ATP2B2: variants seen among roughly 807,000 people sequenced by gnomAD.
The protein encoded by ATP2B2 is plasma membrane calcium-transporting ATPase 2.
ATP2B2 carries 15 observed loss-of-function variants against 120.0 expected under a neutral mutation model. The observed-to-expected ratio is 0.12, with a 90% CI of 0.08 to 0.19. The LOEUF (loss-of-function observed/expected upper bound fraction) is 0.19. ATP2B2 is among the 10% of genes least tolerant of loss of function. ATP2B2 has a pLI of 1.00. For missense variants in ATP2B2, 1,045 were observed against 1,719.8 expected (o/e 0.61, Z 6.94); for synonymous variants, 694 against 700.3 (o/e 0.99, Z 0.14).
intron 2 of ATP2B2, among the ~76,000 whole-genome samples, chr3:10,595,855 C>G (rs981549798): frequency 6.6e-6 from 1 of 152,142 alleles, no homozygotes; most frequent in Admixed American, 6.5e-5. Flanking sequence ...TCTATGTGAA[C>G]TGACCCCTGC....
intron 2 of ATP2B2, among the ~76,000 whole-genome samples, chr3:10,413,595 C>G (rs2062686440): frequency 6.6e-6 from 1 of 152,218 alleles, no homozygotes; most frequent in African/African-American, 2.4e-5. Flanking sequence ...CTCCACTGTT[C>G]TGTGCTGGGC....
At chr3:10,551,302 T>C (rs1027436746) in intron 2 of ATP2B2, among the ~76,000 whole-genome samples, 1 of 152,208 alleles carries the variant, frequency 6.6e-6, no homozygotes, top group Non-Finnish European at 1.5e-5. Flanking sequence ...CAGCCTGCAG[T>C]GAAGCAGGTA....
Position 10,338,250 on chromosome 3 carries a change from TCTC to T in ATP2B2, c.3343_3345del (p.Glu1115del), listed in dbSNP as rs2060180855. 4 of 1,614,100 alleles carry T rather than the reference TCTC, an allele frequency of 2.5e-6. No homozygotes were observed. The highest frequency in any genetic ancestry group is 3.4e-6 in the Non-Finnish European group (4 of 1,179,970). On this transcript the variant is annotated inframe_deletion, in exon 22 of 23. Transcript: ENST00000360273. ...CGCAGCTCCCGCTCCGCGTGGTCGA[TCTC>T]CTCCACGTCCTCGTTGAGCTCCTCC...
intron 11 of ATP2B2, 49 bp from the exon 12 acceptor site, chr3:10,372,100 G>C (rs1342795754): frequency 4.3e-6 from 7 of 1,613,834 alleles, no homozygotes; most frequent in Non-Finnish European, 5.9e-6. Context: ...AGGGGCTGGG[G>C]AGCATGGGGT....
At chr3:10,638,747 G>A (rs1042621821) in intron 1 of ATP2B2, among the ~76,000 whole-genome samples, 5 of 152,150 alleles carry the variant, frequency 3.3e-5, no homozygotes, top group African/African-American at 4.8e-5. Context: ...ACACAAATAA[G>A]TTGAAAGTAA....
At chr3:10,708,042 T>C (rs1575638197), upstream of ATP2B2, 1 of 116,444 alleles carries the variant, frequency 8.6e-6, no homozygotes, top group Admixed American at 8.5e-5. Flanking sequence ...CGCGCTCGCC[T>C]GCCCCGCGGC....
intron 2 of ATP2B2, among the ~76,000 whole-genome samples, chr3:10,559,305 T>C (rs1405989817): frequency 6.6e-6 from 1 of 152,136 alleles, no homozygotes; most frequent in African/African-American, 2.4e-5. Context: ...GAGGAATAAG[T>C]TGTAGTGCTT....
At chr3:10,610,264 G>A (rs945106989) in intron 2 of ATP2B2, among the ~76,000 whole-genome samples, 3 of 151,582 alleles carry the variant, frequency 2.0e-5, no homozygotes, top group African/African-American at 4.8e-5. Flanking sequence ...CCTTGAAGCC[G>A]AAGGGCATGA....
intron 2 of ATP2B2, among the ~76,000 whole-genome samples, chr3:10,557,061 G>C (rs530386533): frequency 4.6e-5 from 7 of 152,310 alleles, no homozygotes; most frequent in Admixed American, 1.3e-4. Flanking sequence ...CCTGCCATGA[G>C]TCACTCTGAG....
intron 2 of ATP2B2, among the ~76,000 whole-genome samples, chr3:10,422,383 G>A (rs115613305): frequency 2.5e-4 from 38 of 152,334 alleles, no homozygotes; most frequent in South Asian, 1.9e-3. Flanking sequence ...GTCTGCTATC[G>A]TCTGGTGTGC....
rs571915233 is a variant in ATP2B2 at position 10,594,849 on chromosome 3, T to C, written c.-415+25068A>G. The stretch of plus-strand genomic sequence containing the variant: ...CACAGGCAAAAAGAAAGAGGTATCA[T>C]CACCCCCATTTTATAGATGAGGAAA... On this transcript the variant is annotated intron_variant, in intron 2 of 21. Transcript: ENST00000646379. Among the ~76,000 whole-genome samples, 8 of 152,326 alleles carry C rather than the reference T, an allele frequency of 5.3e-5. No homozygotes were observed. In the South Asian group the frequency reaches 1.7e-3, roughly 32 times the overall value.
intron 3 of ATP2B2, among the ~76,000 whole-genome samples, chr3:10,529,679 A>G (rs930928195): frequency 1.3e-5 from 2 of 152,202 alleles, no homozygotes; most frequent in Non-Finnish European, 2.9e-5. Flanking sequence ...ATGTCCTCCC[A>G]AAAAGATAGG....
intron 5 of ATP2B2, among the ~76,000 whole-genome samples, chr3:10,398,143 G>A (rs2062102537): frequency 6.6e-6 from 1 of 152,100 alleles, no homozygotes; most frequent in South Asian, 2.1e-4. Flanking sequence ...TGTGGGCTCT[G>A]AGAGACTGAT....
chr3:10,342,740 C>T lies in ATP2B2; in HGVS notation c.2917+12G>A, dbSNP rs762388490. 2.4e-5 allele frequency: 38 copies of T among 1,613,808 alleles called. No homozygotes were observed. The highest frequency in any genetic ancestry group is 1.8e-4 in the East Asian group (8 of 44,866). ...CCCGCCTGGGAGAGGCGTGGGTGGGCGAGGCGCTCACCAACAAAGAGCAGG... is the reference window on the plus strand; with the variant it reads ...CCCGCCTGGGAGAGGCGTGGGTGGGTGAGGCGCTCACCAACAAAGAGCAGG... On this transcript the variant is annotated intron_variant, in intron 19 of 22. Transcript: ENST00000360273. This position sits in a 1 kb window ranked among gnomAD's most constrained non-coding sequence, Gnocchi z 4.4.
At chr3:10,678,577 G>A (rs762415570) in intron 1 of ATP2B2, among the ~76,000 whole-genome samples, 1 of 152,210 alleles carries the variant, frequency 6.6e-6, no homozygotes, top group Non-Finnish European at 1.5e-5. Context: ...TGGAAGGCTT[G>A]TCTGTTTATG....
At chr3:10,399,964 C>T (rs551831349) in intron 5 of ATP2B2, among the ~76,000 whole-genome samples, 1 of 152,350 alleles carries the variant, frequency 6.6e-6, no homozygotes, top group South Asian at 2.1e-4. Context: ...AGGCTAGGGG[C>T]TCCCATGGGC....
chr3:10,356,874 G>A (rs2060747297), intron 14 of ATP2B2, among the ~76,000 whole-genome samples: 1 of 152,132 alleles, frequency 6.6e-6, no homozygotes, highest in Admixed American at 6.5e-5. Context: ...CCACTGCCAA[G>A]CTCCAGGGGC....
At chr3:10,437,736 C>A (rs1559337430) in intron 2 of ATP2B2, among the ~76,000 whole-genome samples, 2 of 152,196 alleles carry the variant, frequency 1.3e-5, no homozygotes, top group Non-Finnish European at 1.5e-5. Context: ...GAAGTCCTAA[C>A]CCTCAGTACC....
upstream of ATP2B2, among the ~76,000 whole-genome samples, chr3:10,506,333 GGTGCCCACCA>G (rs2066625906): frequency 1.3e-5 from 2 of 152,148 alleles, no homozygotes; most frequent in Non-Finnish European, 1.5e-5. Context: ...GCCTCAAGAA[GGTGCCCACCA>G]GCAGGGGTGT....
Sources: gnomAD v4.1 joint callset for allele counts (sites outside exome capture counted in the v4.1 genomes callset) on GRCh38, gnomAD v4.1.1 for gene constraint, Gnocchi (gnomAD v3.1) non-coding constraint, MANE v1.5 for transcripts, NCBI Gene and HGNC (gene_info 2026-07-23, HGNC 2026-07-21) for gene names.